GRB10: variants seen among roughly 807,000 people sequenced by gnomAD.
GRB10 encodes growth factor receptor-bound protein 10.
A neutral mutation model predicts 80.9 loss-of-function variants in GRB10; 20 were observed. The ratio of observed to expected loss-of-function variants is 0.25; its 90% CI spans 0.17 to 0.36. The LOEUF (loss-of-function observed/expected upper bound fraction) is 0.36. Ranked by LOEUF, GRB10 falls within the 10% of genes least tolerant of loss-of-function variation. GRB10 has a pLI of 1.00. For synonymous variants in GRB10, 291 were observed against 291.5 expected (o/e 1.00, Z 0.02); for missense variants, 548 against 747.7 (o/e 0.73, Z 3.12).
intron 8 of GRB10, among the ~76,000 whole-genome samples, chr7:50,623,085 T>C (rs943105798): frequency 1.3e-5 from 2 of 152,230 alleles, no homozygotes; most frequent in African/African-American, 4.8e-5. Context: ...CAGCTCACCA[T>C]GCTCGGGGCA....
intron 7 of GRB10, among the ~76,000 whole-genome samples, chr7:50,652,734 G>A (rs893345851): frequency 3.3e-5 from 5 of 152,206 alleles, no homozygotes; most frequent in African/African-American, 9.7e-5. Context: ...CAGACACCAC[G>A]CAGACTTCGC....
intron 5 of GRB10, among the ~76,000 whole-genome samples, chr7:50,687,078 G>A (rs1301826774): frequency 3.3e-5 from 5 of 152,272 alleles, no homozygotes; most frequent in East Asian, 1.9e-4. Flanking sequence ...ATCAGTTTCC[G>A]TCAATCAAGC....
chr7:50,744,802 A>G (rs2072587513), intron 3 of GRB10, among the ~76,000 whole-genome samples: 1 of 152,224 alleles, frequency 6.6e-6, no homozygotes, highest in Non-Finnish European at 1.5e-5. Context: ...AGCTCACAGC[A>G]ACAGTGGAAT....
chr7:50,701,470 A>G (rs187441892), intron 5 of GRB10, among the ~76,000 whole-genome samples: 74 of 152,328 alleles, frequency 4.9e-4, no homozygotes, highest in Non-Finnish European at 6.5e-4. Flanking sequence ...GCACACCTGT[A>G]GTCCCAGGTA....
chr7:50,647,044 G>A (rs2057304437), intron 7 of GRB10, among the ~76,000 whole-genome samples: 3 of 152,298 alleles, frequency 2.0e-5, no homozygotes, highest in East Asian at 1.9e-4. Context: ...AGCATAAGAT[G>A]AAATGTGCCT....
intron 4 of GRB10, among the ~76,000 whole-genome samples, chr7:50,729,617 A>C (rs2153690774): frequency 6.6e-6 from 1 of 152,248 alleles, no homozygotes; most frequent in East Asian, 1.9e-4. Context: ...TGTGTTCGGC[A>C]AAGCTCTGGA....
At chr7:50,606,531 A>T in intron 13 of GRB10, 117 bp from the exon 14 acceptor site, 1 of 765,746 alleles carries the variant, frequency 1.3e-6, no homozygotes, top group Non-Finnish European at 2.3e-6. Context: ...GATGCCCTGT[A>T]CCAGCCTCCA....
intron 12 of GRB10, among the ~76,000 whole-genome samples, chr7:50,613,956 T>C (rs1329656196): frequency 6.6e-6 from 1 of 152,202 alleles, no homozygotes; most frequent in African/African-American, 2.4e-5. Context: ...CTACTGGATG[T>C]GGGCAATGTG....
chr7:50,677,470 T>C (rs957828124), intron 5 of GRB10, among the ~76,000 whole-genome samples: 1 of 152,066 alleles, frequency 6.6e-6, no homozygotes, highest in Non-Finnish European at 1.5e-5. Context: ...GGAGCGAAAA[T>C]TGCAGTCCAG....
intron 1 of GRB10, among the ~76,000 whole-genome samples, chr7:50,790,612 A>G (rs2078871879): frequency 6.6e-6 from 1 of 152,262 alleles, no homozygotes; most frequent in African/African-American, 2.4e-5. Context: ...TTTAGCTCTG[A>G]GCTCTGACAG....
At chr7:50,606,451 G>C in intron 13 of GRB10, 37 bp from the exon 14 acceptor site, 2 of 1,509,294 alleles carry the variant, frequency 1.3e-6, no homozygotes, top group Non-Finnish European at 1.8e-6. Flanking sequence ...ACCGGCCCGG[G>C]AGCCCCGAGG....
At chr7:50,666,386 G>A (rs187859378) in intron 7 of GRB10, among the ~76,000 whole-genome samples, 1 of 152,272 alleles carries the variant, frequency 6.6e-6, no homozygotes, top group Admixed American at 6.5e-5. Flanking sequence ...TGAATAGGAG[G>A]CTGAGGGCTC....
At chr7:50,630,257 G>A (rs1034459773) in intron 7 of GRB10, among the ~76,000 whole-genome samples, 5 of 152,196 alleles carry the variant, frequency 3.3e-5, no homozygotes, top group African/African-American at 1.2e-4. Context: ...GTTCCAAAGA[G>A]GAACTTAGAA....
intron 7 of GRB10, among the ~76,000 whole-genome samples, chr7:50,637,577 G>C (rs750191799): frequency 2.7e-4 from 41 of 152,252 alleles, no homozygotes; most frequent in Middle Eastern, 3.4e-3. Context: ...CACATCTCAT[G>C]CTCATGGATT....
chr7:50,780,733 A>G lies in GRB10; in HGVS notation c.-323T>C, dbSNP rs1317388959. 6.6e-6 allele frequency: 1 copy of G among 152,192 alleles called. No individual in the cohort carries two copies. The highest frequency in any genetic ancestry group is 1.5e-5 in the Non-Finnish European group (1 of 68,038). The allele number at this position is 152,192 out of a possible 1,614,324, so 9.4% of individuals were successfully genotyped here. On this transcript the variant is annotated 5_prime_UTR_variant, in exon 2 of 19. Coordinates refer to ENST00000401949, the MANE Select transcript of GRB10 (RefSeq NM_001350814.2). ...GAGAATTATCAGAATGCAGCCTCCCAAGTCTGAAAGAAAGGTAAAACCATT... is the reference window on the plus strand; with the variant it reads ...GAGAATTATCAGAATGCAGCCTCCCGAGTCTGAAAGAAAGGTAAAACCATT...
intron 4 of GRB10, among the ~76,000 whole-genome samples, chr7:50,721,776 G>A (rs757717406): frequency 1.2e-4 from 18 of 152,168 alleles, no homozygotes; most frequent in Non-Finnish European, 2.2e-4. Flanking sequence ...GAGGATGGGG[G>A]AGGACAGACG....
intron 2 of GRB10, among the ~76,000 whole-genome samples, chr7:50,775,161 C>CAAAAAAAAAAAAA (rs777553621): frequency 0.069 from 2,110 of 30,628 alleles, 649 homozygotes; most frequent in East Asian, 0.19. Context: ...ATCCTGTCTC[C>CAAAAAAAAAAAAA]AAAAAAAAAA....
chr7:50,768,641 C>A (rs1400180727), intron 2 of GRB10, among the ~76,000 whole-genome samples: 1 of 152,202 alleles, frequency 6.6e-6, no homozygotes, highest in African/African-American at 2.4e-5. Context: ...ATGCAAGATG[C>A]CAAAAGTGCA....
rs202123531 is a variant in GRB10 at position 50,638,231 on chromosome 7, T to TA, written c.505-11254dup. Among the ~76,000 whole-genome samples the TA allele has an allele frequency of 4.1e-3, 619 of 152,304 alleles. 1 individual carries two copies. Among genetic ancestry groups the TA allele is most frequent in the Admixed American group, 9.9e-3 (152 of 15,296 alleles). ...TTGGCCTAGGCAAAGAATTTATGAC[T>TA]AAGCCCTCAAAAGCAATGCAACAAG... On this transcript the variant is annotated intron_variant, in intron 7 of 18. Coordinates refer to ENST00000401949, the MANE Select transcript of GRB10 (RefSeq NM_001350814.2).
Sources: allele counts gnomAD v4.1 joint callset (sites outside exome capture counted in the v4.1 genomes callset), GRCh38; gene constraint gnomAD v4.1.1; transcripts MANE v1.5; gene names NCBI Gene and HGNC (gene_info 2026-07-23, HGNC 2026-07-21).